Variants in PARD3B observed in about 807,000 individuals in gnomAD.
PARD3B encodes par-3 family cell polarity regulator beta.
In PARD3B, 103 loss-of-function variants were observed where a neutral mutation model predicts 130.2. The ratio of observed to expected loss-of-function variants is 0.79; its 90% CI spans 0.67 to 0.93. The LOEUF (loss-of-function observed/expected upper bound fraction) is 0.93, where lower values mean the gene tolerates loss of function less well. Among genes scored for constraint, PARD3B ranks in the 40% least tolerant of loss-of-function variants. PARD3B has a pLI of 0.00. For synonymous variants in PARD3B, 583 were observed against 553.2 expected, an observed-to-expected ratio of 1.05 and a Z score of -0.76; for missense variants, 1,609 against 1,499.2, an observed-to-expected ratio of 1.07 and a Z score of -1.21.
intron 4 of PARD3B, among the ~76,000 whole-genome samples, chr2:205,097,222 C>T (rs1342726068): frequency 6.6e-6 from 1 of 152,008 alleles, no homozygotes; most frequent in Non-Finnish European, 1.5e-5. Flanking sequence ...ATAATGAAGA[C>T]ATTATTATAG....
intron 20 of PARD3B, among the ~76,000 whole-genome samples, chr2:205,442,882 AAG>A (rs2047770973): frequency 6.6e-6 from 1 of 152,204 alleles, no homozygotes; most frequent in African/African-American, 2.4e-5. Flanking sequence ...ATATGTGTAA[AAG>A]AGTGTTACTT....
At chr2:205,365,020 T>C (rs2044548003) in intron 18 of PARD3B, among the ~76,000 whole-genome samples, 1 of 151,750 alleles carries the variant, frequency 6.6e-6, no homozygotes, top group African/African-American at 2.4e-5. Context: ...GGCAAGATGG[T>C]GAAACCCCGT....
At chr2:205,175,551 A>C (rs558835541) in intron 12 of PARD3B, among the ~76,000 whole-genome samples, 3 of 152,240 alleles carry the variant, frequency 2.0e-5, no homozygotes, top group Non-Finnish European at 4.4e-5. Flanking sequence ...GCCAAATGCT[A>C]TACTCAGAAG....
chr2:205,110,627 G>GTT (rs1176825585), intron 5 of PARD3B, among the ~76,000 whole-genome samples: 6 of 110,674 alleles, frequency 5.4e-5, no homozygotes, highest in African/African-American at 1.9e-4. Flanking sequence ...TTTATTTTCT[G>GTT]TTTTTTGTTT....
At chr2:204,847,568 G>A (rs1575123861) in intron 2 of PARD3B, among the ~76,000 whole-genome samples, 1 of 152,116 alleles carries the variant, frequency 6.6e-6, no homozygotes, top group East Asian at 1.9e-4. Flanking sequence ...GAGGAGTGTG[G>A]TAAAATCTCG....
At chr2:205,224,370 C>CAAAAAAAAA (rs1231030778) in intron 15 of PARD3B, among the ~76,000 whole-genome samples, 33 of 55,958 alleles carry the variant, frequency 5.9e-4, no homozygotes, top group African/African-American at 1.4e-3. Context: ...GACTCCGTCT[C>CAAAAAAAAA]AAAAAAAAAA....
chr2:204,909,669 G>A (rs78971755), intron 2 of PARD3B, among the ~76,000 whole-genome samples: 2,131 of 152,196 alleles, frequency 0.014, 34 homozygotes, highest in African/African-American at 0.049. Flanking sequence ...TATATAATCA[G>A]TTGTTAATAC....
intron 14 of PARD3B, among the ~76,000 whole-genome samples, chr2:205,189,604 ATAGT>A (rs1191577197): frequency 6.6e-6 from 1 of 152,232 alleles, no homozygotes; most frequent in Non-Finnish European, 1.5e-5. Flanking sequence ...GTTGTATTTC[ATAGT>A]TAATCATTGT....
intron 2 of PARD3B, among the ~76,000 whole-genome samples, chr2:204,844,539 C>G (rs927853979): frequency 2.6e-5 from 4 of 152,022 alleles, no homozygotes; most frequent in Admixed American, 2.6e-4. Flanking sequence ...TATATTAAGT[C>G]TGCTAAATTC....
chr2:205,300,255 A>T lies in PARD3B; in HGVS notation c.2186-275A>T, dbSNP rs187952782. Reference sequence around the variant, plus strand: ...TTCATAGGTGTGTGTGTATATGCCTATAGACACACATGCATATACACTTCT... The same window carrying T: ...TTCATAGGTGTGTGTGTATATGCCTTTAGACACACATGCATATACACTTCT... On this transcript the variant is annotated intron_variant, in intron 16 of 22. Transcript: ENST00000406610. The surrounding 1 kb of genome is among the most constrained non-coding windows in gnomAD (Gnocchi z 4.1). Among the ~76,000 whole-genome samples, 4 of 152,322 alleles carry T rather than the reference A, an allele frequency of 2.6e-5. No individual in the cohort carries two copies. The East Asian group carries it at 7.7e-4, about 29-fold the overall frequency.
intron 1 of PARD3B, among the ~76,000 whole-genome samples, chr2:204,653,779 C>T (rs2035559915): frequency 8.0e-6 from 1 of 125,626 alleles, no homozygotes; most frequent in Admixed American, 8.3e-5. Context: ...GAGCAAGACT[C>T]TGTCTCAAAA....
chr2:205,567,497 T>G (rs7606801), intron 22 of PARD3B, among the ~76,000 whole-genome samples: 21,070 of 140,208 alleles, frequency 0.15, 1,936 homozygotes, highest in Middle Eastern at 0.23. Flanking sequence ...TTTTTTTTTG[T>G]ATTTTTAGTG....
chr2:205,356,890 CA>C (rs33968644), intron 18 of PARD3B, among the ~76,000 whole-genome samples: 8,451 of 131,260 alleles, frequency 0.064, 643 homozygotes, highest in African/African-American at 0.22. Context: ...GACTCTGTCT[CA>C]AAAAAAAAAA....
intron 3 of PARD3B, among the ~76,000 whole-genome samples, chr2:205,016,268 G>T (rs749409492): frequency 2.0e-5 from 3 of 152,194 alleles, no homozygotes; most frequent in African/African-American, 4.8e-5. Flanking sequence ...CACATAGAAT[G>T]AAATGTAAAC....
intron 20 of PARD3B, among the ~76,000 whole-genome samples, chr2:205,442,057 A>C (rs140914232): frequency 6.6e-5 from 10 of 152,296 alleles, no homozygotes; most frequent in African/African-American, 2.4e-4. Flanking sequence ...CCCAAACCAT[A>C]GTCAATCTTA....
intron 2 of PARD3B, among the ~76,000 whole-genome samples, chr2:204,781,912 T>C (rs1284062412): frequency 1.3e-5 from 2 of 152,116 alleles, no homozygotes; most frequent in Non-Finnish European, 2.9e-5. Flanking sequence ...TCAGATCTCT[T>C]ATTATGTGCT....
intron 2 of PARD3B, among the ~76,000 whole-genome samples, chr2:204,759,247 T>G (rs1024543433): frequency 5.9e-5 from 9 of 152,106 alleles, no homozygotes; most frequent in African/African-American, 2.2e-4. Context: ...GGCCACACCT[T>G]TAAGTTTTTT....
chr2:204,758,566 G>T (rs1166893455), intron 2 of PARD3B, among the ~76,000 whole-genome samples: 3 of 152,152 alleles, frequency 2.0e-5, no homozygotes, highest in African/African-American at 7.2e-5. Flanking sequence ...ACTGAAAACT[G>T]CAGGTGCTTT....
chr2:204,771,351 C>T (rs148688890), intron 2 of PARD3B, among the ~76,000 whole-genome samples: 2,036 of 152,148 alleles, frequency 0.013, 161 homozygotes, highest in Admixed American at 0.12. Flanking sequence ...CAGGCACTCA[C>T]AGATGGATTT....
Sources: gnomAD v4.1 joint callset for allele counts (sites outside exome capture counted in the v4.1 genomes callset) on GRCh38, gnomAD v4.1.1 for gene constraint, Gnocchi (gnomAD v3.1) non-coding constraint, MANE v1.5 for transcripts, NCBI Gene and HGNC (gene_info 2026-07-23, HGNC 2026-07-21) for gene names.